The following CORO7 variants were observed in gnomAD, a reference collection of about 807,000 sequenced individuals.
CORO7 encodes coronin-7.
A neutral mutation model predicts 126.6 loss-of-function variants in CORO7; 107 were observed. The ratio of observed to expected loss-of-function variants is 0.85; its 90% CI spans 0.72 to 0.99. The LOEUF is 0.99. Among genes scored for constraint, CORO7 ranks in the 50% least tolerant of loss-of-function variants. The pLI, the probability that CORO7 is intolerant of heterozygous loss-of-function variation, is 0.00. For synonymous variants in CORO7, 603 were observed against 536.8 expected (o/e 1.12, Z -1.70); for missense variants, 1,314 against 1,255.8 (o/e 1.05, Z -0.70).
chr16:4,354,872 C>T lies in CORO7; in HGVS notation c.*286G>A, dbSNP rs959347521. On this transcript the variant is annotated 3_prime_UTR_variant, in exon 28 of 28. Coordinates refer to ENST00000251166, the MANE Select transcript of CORO7 (RefSeq NM_024535.5). ...GTGAGACCAGGGGAGACAGGGTGCC[C>T]AGGGCCTGCCCAGGGACATGCTGCT... is the stretch of plus-strand genomic sequence containing the variant. 25 of 414,530 alleles carry T rather than the reference C, an allele frequency of 6.0e-5. No homozygotes were observed. Among genetic ancestry groups the T allele is most frequent in the Non-Finnish European group, 1.3e-5 (3 of 234,380 alleles). The allele number at this position is 414,530 out of a possible 1,614,324, so 25.7% of individuals were successfully genotyped here. A position where few individuals can be genotyped will look rare whatever the true frequency, so the allele number is the denominator to read the frequency against.
At chr16:4,360,793 C>A (rs1213313330) in intron 19 of CORO7, 150 bp downstream of exon 19, 4 of 1,469,084 alleles carry the variant, frequency 2.7e-6, no homozygotes, top group Non-Finnish European at 3.6e-6. Flanking sequence ...CACTGGCCCC[C>A]CTCTCCTCAC....
At chr16:4,388,408 C>A in intron 8 of CORO7, 137 bp downstream of exon 8, 1 of 964,462 alleles carries the variant, frequency 1.0e-6, no homozygotes. Context: ...TGAGACCCGG[C>A]AGCACAGCCA....
At chr16:4,374,314 G>A (rs886957050) in intron 9 of CORO7, among the ~76,000 whole-genome samples, 6 of 152,198 alleles carry the variant, frequency 3.9e-5, no homozygotes, top group African/African-American at 9.6e-5. Flanking sequence ...CTGGGCCGCC[G>A]GCCTCCCCCG....
chr16:4,413,526 C>A, intron 1 of CORO7, 122 bp from the exon 2 acceptor site: 2 of 838,814 alleles, frequency 2.4e-6, no homozygotes, highest in Non-Finnish European at 3.6e-6. Context: ...ATTCGAGATG[C>A]ATTCTTTTAT....
chr16:4,356,970 C>T (rs1410089701), intron 26 of CORO7, 198 bp downstream of exon 26: 1 of 728,452 alleles, frequency 1.4e-6, no homozygotes, highest in African/African-American at 1.8e-5. Flanking sequence ...GGCAGGGCTC[C>T]CACTGCCCTC....
chr16:4,411,639 C>T (rs890155485), intron 3 of CORO7, among the ~76,000 whole-genome samples: 11 of 152,198 alleles, frequency 7.2e-5, no homozygotes, highest in African/African-American at 2.6e-4. Context: ...TTGTTATTAA[C>T]CACCATCATT....
At position 4,357,280 on chromosome 16, in the gene CORO7, G is replaced by T; in HGVS notation, c.2594-21C>A. 4 of 1,597,490 alleles carry T rather than the reference G, an allele frequency of 2.5e-6. No individual in the cohort carries two copies. In the South Asian group the frequency reaches 3.3e-5, roughly 13 times the overall value. ...GCTCACTGGGACAGAGCAAGGACAC[G>T]TGTCAGAGAGTCCCCTTCGTTAGGG... is the stretch of plus-strand genomic sequence containing the variant. On this transcript the variant is annotated intron_variant, in intron 25 of 27. Coordinates refer to ENST00000251166, the MANE Select transcript of CORO7 (RefSeq NM_024535.5).
At position 4,358,403 on chromosome 16, in the gene CORO7, G is replaced by A. The variant is rs1430879169; in HGVS notation, c.2421C>T (p.Ser807=). Residue 807 remains serine, a synonymous_variant, in exon 24 of 28, where the codon TCC becomes TCT. Transcript: ENST00000251166. The part of the protein sequence containing the change: ...LMRCLRLRQS[S]LEPVAFRLPR... ...GCAGCCGGAAGGCCACAGGCTCCAG[G>A]GAGGACTGACGCAGCCGCAGGCACC... 2 of 1,612,668 alleles carry A rather than the reference G, an allele frequency of 1.2e-6. No homozygotes were observed. Among genetic ancestry groups the A allele is most frequent in the Non-Finnish European group, 1.7e-6 (2 of 1,179,802 alleles).
chr16:4,387,427 G>T (rs1162045976), intron 9 of CORO7, among the ~76,000 whole-genome samples: 2 of 152,116 alleles, frequency 1.3e-5, no homozygotes, highest in Admixed American at 6.5e-5. Flanking sequence ...CTGGGCACCA[G>T]CCCCACCTGG....
chr16:4,381,758 C>A (rs1377510175), intron 9 of CORO7: 1 of 1,602,360 alleles, frequency 6.2e-7, no homozygotes, highest in South Asian at 1.1e-5. Context: ...CGGCTGCTGG[C>A]AGCTGCCCGC....
At chr16:4,383,164 C>T (rs1259628678) in intron 9 of CORO7, 2 of 440,452 alleles carry the variant, frequency 4.5e-6, no homozygotes, top group South Asian at 1.3e-4. Context: ...ACGTGCAGTC[C>T]CTGGGCACGG....
At chr16:4,396,440 G>T (rs1951886579) in intron 6 of CORO7, among the ~76,000 whole-genome samples, 1 of 152,154 alleles carries the variant, frequency 6.6e-6, no homozygotes, top group Non-Finnish European at 1.5e-5. Context: ...ATTCTACTGT[G>T]GTAAAAATCA....
intron 6 of CORO7, among the ~76,000 whole-genome samples, chr16:4,399,378 C>T (rs1567294154): frequency 2.0e-5 from 3 of 152,132 alleles, no homozygotes; most frequent in African/African-American, 7.2e-5. Flanking sequence ...ATAAGTCAGC[C>T]CCAAAAGAGC....
intron 9 of CORO7, among the ~76,000 whole-genome samples, chr16:4,373,071 C>T (rs1420507706): frequency 6.6e-6 from 1 of 152,102 alleles, no homozygotes; most frequent in Non-Finnish European, 1.5e-5. Context: ...CCATTAGGGC[C>T]AGTCCAGGGG....
chr16:4,412,054 C>T (rs2056230266), intron 3 of CORO7, among the ~76,000 whole-genome samples: 1 of 151,978 alleles, frequency 6.6e-6, no homozygotes, highest in Non-Finnish European at 1.5e-5. Flanking sequence ...AGCCATCCAA[C>T]GTGGAGTCCT....
chr16:4,411,467 T>C (rs752743540), intron 3 of CORO7, among the ~76,000 whole-genome samples: 12 of 152,114 alleles, frequency 7.9e-5, no homozygotes, highest in African/African-American at 1.2e-4. Context: ...TTTGGGAGGT[T>C]GACTTGGGAG....
chr16:4,393,118 G>A (rs1032342492), intron 7 of CORO7, among the ~76,000 whole-genome samples: 2 of 152,220 alleles, frequency 1.3e-5, no homozygotes, highest in African/African-American at 2.4e-5. Flanking sequence ...GAAGAATCAC[G>A]TGGGCCCAGT....
At chr16:4,374,630 G>A (rs2054655486) in intron 9 of CORO7, among the ~76,000 whole-genome samples, 2 of 152,200 alleles carry the variant, frequency 1.3e-5, no homozygotes, top group South Asian at 2.1e-4. Context: ...CAGTGCGGGG[G>A]CAGGGTTGTG....
chr16:4,362,229 T>C lies in CORO7; in HGVS notation c.1403-69A>G, dbSNP rs2054204640. ...CCCCGCCCGCCCTGCACTCTTTGAGTCCCGGCTGCCCACTCCCCTCACCCC... is the reference window on the plus strand; with the variant it reads ...CCCCGCCCGCCCTGCACTCTTTGAGCCCCGGCTGCCCACTCCCCTCACCCC... On this transcript the variant is annotated intron_variant, in intron 15 of 27. Transcript: ENST00000251166. This position sits in a 1 kb window ranked among gnomAD's most constrained non-coding sequence, Gnocchi z 5.3. The C allele has an allele frequency of 6.5e-7, 1 of 1,527,876 alleles. No individual in the cohort carries two copies. Among genetic ancestry groups the C allele is most frequent in the South Asian group, 1.3e-5 (1 of 79,278 alleles). 94.6% of individuals were successfully genotyped at this position (1,527,876 alleles called of 1,614,324 possible). A position where few individuals can be genotyped will look rare whatever the true frequency, so the allele number is the denominator to read the frequency against.
Sources: allele counts gnomAD v4.1 joint callset (sites outside exome capture counted in the v4.1 genomes callset), GRCh38; gene constraint gnomAD v4.1.1; non-coding constraint Gnocchi (gnomAD v3.1); transcripts MANE v1.5; gene names NCBI Gene and HGNC (gene_info 2026-07-23, HGNC 2026-07-21).